TBPL1: variants seen among roughly 807,000 people sequenced by gnomAD.
TBPL1 encodes TATA-box binding protein like 1.
A neutral mutation model predicts 22.1 loss-of-function variants in TBPL1; 4 were observed. The observed-to-expected ratio is 0.18, with a 90% CI of 0.09 to 0.41. The LOEUF is 0.41. Ranked by LOEUF, TBPL1 falls within the 10% of genes least tolerant of loss-of-function variation. TBPL1 has a pLI of 1.00. For synonymous variants in TBPL1, 64 were observed against 71.0 expected, an observed-to-expected ratio of 0.90 and a Z score of 0.50; for missense variants, 115 against 222.3, an observed-to-expected ratio of 0.52 and a Z score of 3.07.
chr6:133,977,399 G>A (rs1206576266), intron 1 of TBPL1, among the ~76,000 whole-genome samples: 3 of 151,874 alleles, frequency 2.0e-5, no homozygotes, highest in Non-Finnish European at 4.4e-5. Context: ...CTTCTTTTTT[G>A]CATTCACACA....
In TBPL1 at chr6:133,987,089, G is replaced by C. The variant is rs369123038; in HGVS notation, c.*49G>C. ...CTCTAACTGAGCACCTTTTAAACCTGCTGCACATTGGACTCAAAAGGAAAA... is the reference window on the plus strand; with the variant it reads ...CTCTAACTGAGCACCTTTTAAACCTCCTGCACATTGGACTCAAAAGGAAAA... On this transcript the variant is annotated 3_prime_UTR_variant, in exon 7 of 7. Transcript: ENST00000237264. 1.5e-6 allele frequency: 2 copies of C among 1,358,280 alleles called. No individual in the cohort carries two copies. The highest frequency in any genetic ancestry group is 1.5e-5 in the African/African-American group (1 of 68,634). The allele number at this position is 1,358,280 out of a possible 1,614,324, so 84.1% of individuals were successfully genotyped here.
intron 1 of TBPL1, 21 bp from the exon 2 acceptor site, chr6:133,980,059 CTT>C: frequency 7.3e-7 from 1 of 1,377,900 alleles, no homozygotes; most frequent in Non-Finnish European, 9.5e-7. Context: ...AGTTTAATGA[CTT>C]TATTTTGTTT....
chr6:133,982,744 G>A, intron 3 of TBPL1, 73 bp from the exon 4 acceptor site: 5 of 1,583,760 alleles, frequency 3.2e-6, no homozygotes, highest in Non-Finnish European at 3.4e-6. Flanking sequence ...CATATGTAAA[G>A]TTTGTTATGT....
chr6:133,983,707 G>A (rs895090585), intron 4 of TBPL1, among the ~76,000 whole-genome samples: 1 of 152,170 alleles, frequency 6.6e-6, no homozygotes, highest in Non-Finnish European at 1.5e-5. Flanking sequence ...CAAAATTGTG[G>A]TTTTAGGAGG....
At chr6:133,972,944 G>T (rs886095747) in intron 1 of TBPL1, among the ~76,000 whole-genome samples, 1 of 152,142 alleles carries the variant, frequency 6.6e-6, no homozygotes, top group Non-Finnish European at 1.5e-5. Context: ...AGAGCGGTTA[G>T]GTAAGTGGCC....
At chr6:133,964,669 C>T (rs938663596) in intron 1 of TBPL1, among the ~76,000 whole-genome samples, 3 of 151,954 alleles carry the variant, frequency 2.0e-5, no homozygotes, top group Admixed American at 1.3e-4. Flanking sequence ...AGGATGGTCT[C>T]GATCTCCTGA....
At chr6:133,954,853 C>G (rs72982252) in intron 1 of TBPL1, among the ~76,000 whole-genome samples, 3,811 of 152,100 alleles carry the variant, frequency 0.025, 77 homozygotes, top group African/African-American at 0.052. Flanking sequence ...TACTATGTGC[C>G]CTTGATTGGG....
intron 4 of TBPL1, among the ~76,000 whole-genome samples, chr6:133,983,386 A>T (rs1291126338): frequency 6.6e-6 from 1 of 152,248 alleles, no homozygotes; most frequent in Non-Finnish European, 1.5e-5. Flanking sequence ...TCACTTGCAA[A>T]TGATGAATAA....
In TBPL1 at chr6:133,970,614, CT is replaced by C. The variant is rs781630229; in HGVS notation, c.-44-9456del. ...AAGGTTTGTTTTTGTTTTGTTTTTG[CT>C]TTTTTTTTTTTGAGACAGGGTCTCA... On this transcript the variant is annotated intron_variant, in intron 1 of 6. Coordinates refer to ENST00000237264, the MANE Select transcript of TBPL1 (RefSeq NM_004865.4). Among the ~76,000 whole-genome samples the C allele has an allele frequency of 2.0e-3, 290 of 142,298 alleles. 1 individual carries two copies. The highest frequency in any genetic ancestry group is 1.9e-3 in the Admixed American group (27 of 14,244). 93.4% of individuals were successfully genotyped at this position (142,298 alleles called of 152,430 possible).
intron 1 of TBPL1, among the ~76,000 whole-genome samples, chr6:133,957,679 G>C (rs1193213378): frequency 6.6e-6 from 1 of 152,196 alleles, no homozygotes; most frequent in Non-Finnish European, 1.5e-5. Context: ...CCTGTGTTCA[G>C]CATCATGGCT....
chr6:133,969,920 T>C lies in TBPL1; in HGVS notation c.-44-10162T>C, dbSNP rs79388933. On this transcript the variant is annotated intron_variant, in intron 1 of 6. Coordinates refer to ENST00000237264, the MANE Select transcript of TBPL1 (RefSeq NM_004865.4). ...TTCCTACATTTGTCTAGAATGTATC[T>C]TCATCTAATATGTTAGGCTCCTGGG... 2.6e-3 allele frequency among the ~76,000 whole-genome samples: 403 copies of C among 152,352 alleles called. 1 individual carries two copies. Among genetic ancestry groups the C allele is most frequent in the African/African-American group, 8.2e-3 (343 of 41,580 alleles).
At chr6:133,963,827 G>A (rs1265405071) in intron 1 of TBPL1, among the ~76,000 whole-genome samples, 1 of 150,404 alleles carries the variant, frequency 6.6e-6, no homozygotes, top group Non-Finnish European at 1.5e-5. Flanking sequence ...TCAGGAGATC[G>A]AGACCATCCT....
In TBPL1 at chr6:133,988,064, A is replaced by G. The variant is rs1776563686; in HGVS notation, c.*1024A>G. 1 of 152,126 alleles carries G rather than the reference A, an allele frequency of 6.6e-6. No homozygotes were observed. Among genetic ancestry groups the G allele is most frequent in the South Asian group, 2.1e-4 (1 of 4,836 alleles). 9.4% of individuals were successfully genotyped at this position (152,126 alleles called of 1,614,324 possible). ...AAGAGTCTTGTCAGAAGTTGGTAAC[A>G]TGGAGATGTTTTAACAAGAAGTGCC... On this transcript the variant is annotated 3_prime_UTR_variant, in exon 7 of 7. Transcript: ENST00000237264.
rs190139630 is a variant in TBPL1, at chr6:133,987,133, A to T, written c.*93A>T. 4 of 758,994 alleles carry T rather than the reference A, an allele frequency of 5.3e-6. No individual in the cohort carries two copies. Among genetic ancestry groups the T allele is most frequent in the Non-Finnish European group, 8.4e-6 (4 of 476,148 alleles). The allele number at this position is 758,994 out of a possible 1,614,324, so 47.0% of individuals were successfully genotyped here. Reference sequence around the variant, plus strand: ...AGGAAAACTGGACCAACAATAATTGAGGAAATAGACTCTTTTATTCATTCA... The same window carrying T: ...AGGAAAACTGGACCAACAATAATTGTGGAAATAGACTCTTTTATTCATTCA... On this transcript the variant is annotated 3_prime_UTR_variant, in exon 7 of 7. Coordinates refer to ENST00000237264, the MANE Select transcript of TBPL1 (RefSeq NM_004865.4).
intron 1 of TBPL1, among the ~76,000 whole-genome samples, chr6:133,969,396 T>C (rs1449367855): frequency 2.0e-5 from 3 of 152,060 alleles, no homozygotes; most frequent in African/African-American, 7.2e-5. Context: ...ATTATTCACA[T>C]GAATGCTACC....
At chr6:133,972,486 T>C (rs1310744913) in intron 1 of TBPL1, among the ~76,000 whole-genome samples, 1 of 152,214 alleles carries the variant, frequency 6.6e-6, no homozygotes, top group African/African-American at 2.4e-5. Context: ...CAGCAAACTT[T>C]TTCTTAAAGG....
intron 6 of TBPL1, 190 bp downstream of exon 6, chr6:133,984,861 C>T (rs1776479917): frequency 1.9e-6 from 1 of 537,892 alleles, no homozygotes; most frequent in Admixed American, 3.2e-5. Flanking sequence ...GTTACACTTA[C>T]TATTTTGTGT....
At chr6:133,977,516 C>CA (rs1468851779) in intron 1 of TBPL1, among the ~76,000 whole-genome samples, 4 of 152,174 alleles carry the variant, frequency 2.6e-5, no homozygotes, top group African/African-American at 4.8e-5. Flanking sequence ...GAGTAGAACT[C>CA]AAAGTAGTAA....
intron 1 of TBPL1, among the ~76,000 whole-genome samples, chr6:133,971,628 A>C (rs1399639807): frequency 1.3e-5 from 2 of 151,854 alleles, no homozygotes; most frequent in Non-Finnish European, 2.9e-5. Flanking sequence ...TAGCCATTCT[A>C]CCTGGAGTGA....
Sources: gnomAD v4.1 joint callset for allele counts (sites outside exome capture counted in the v4.1 genomes callset) on GRCh38, gnomAD v4.1.1 for gene constraint, MANE v1.5 for transcripts, NCBI Gene and HGNC (gene_info 2026-07-23, HGNC 2026-07-21) for gene names.